The following ABCC12 variants were observed in gnomAD, a reference collection of about 807,000 sequenced individuals.
ABCC12 encodes ATP-binding cassette sub-family C member 12.
ABCC12 carries 142 observed loss-of-function variants against 151.1 expected under a neutral mutation model. The observed-to-expected ratio is 0.94, with a 90% CI of 0.82 to 1.08. The LOEUF is 1.08. Ranked by LOEUF, ABCC12 falls within the 50% of genes least tolerant of loss-of-function variation. ABCC12 has a pLI of 0.00. For synonymous variants in ABCC12, 645 were observed against 646.4 expected (o/e 1.00, Z 0.03); for missense variants, 1,638 against 1,691.1 (o/e 0.97, Z 0.55).
intron 9 of ABCC12, 84 bp from the exon 10 acceptor site, chr16:48,130,979 G>T: frequency 1.1e-6 from 1 of 876,794 alleles, no homozygotes; most frequent in Non-Finnish European, 1.8e-6. Context: ...GTTTAAACTT[G>T]CTGAGATGAG....
At chr16:48,085,502 G>A (rs143956889) in intron 29 of ABCC12, 91 bp downstream of exon 29, 70 of 1,089,798 alleles carry the variant, frequency 6.4e-5, no homozygotes, top group Non-Finnish European at 8.3e-5. Context: ...TCTCTTTGCT[G>A]AAAGACATAC....
intron 23 of ABCC12, among the ~76,000 whole-genome samples, chr16:48,097,695 A>T (rs1313450283): frequency 1.3e-5 from 2 of 152,152 alleles, no homozygotes; most frequent in African/African-American, 4.8e-5. Context: ...AAGGAAGATG[A>T]CCTTGGAGGC....
chr16:48,083,938 C>A lies in ABCC12; in HGVS notation c.3964G>T (p.Asp1322Tyr). 1 of 1,612,394 alleles carries A rather than the reference C, an allele frequency of 6.2e-7. No homozygotes were observed. Among genetic ancestry groups the A allele is most frequent in the Non-Finnish European group, 8.5e-7 (1 of 1,179,598 alleles). The part of the protein sequence containing the change: ...AHRLNTVLNC[D>Y]HVLVMENGKV... ...CCATTTTCCATAACCAGGACGTGATCGCAGTTGAGAACTGTGTTGAGGCGG... is the reference window on the plus strand; with the variant it reads ...CCATTTTCCATAACCAGGACGTGATAGCAGTTGAGAACTGTGTTGAGGCGG... The change falls in exon 30 of 31, where the codon GAT (aspartate) becomes TAT (tyrosine). Residue 1322 changes from aspartate to tyrosine, a missense_variant. Transcript: ENST00000311303.
At chr16:48,096,703 G>T in intron 24 of ABCC12, 43 bp downstream of exon 24, 1 of 1,603,366 alleles carries the variant, frequency 6.2e-7, no homozygotes, top group Middle Eastern at 1.7e-4. Flanking sequence ...TGTATTACAG[G>T]CCGGAGCCTC....
At chr16:48,116,487 A>G (rs1963887986) in intron 14 of ABCC12, among the ~76,000 whole-genome samples, 1 of 152,180 alleles carries the variant, frequency 6.6e-6, no homozygotes, top group Non-Finnish European at 1.5e-5. Context: ...AACTCAAAGG[A>G]TAGTGATGTC....
intron 23 of ABCC12, among the ~76,000 whole-genome samples, chr16:48,097,830 CTGGCAG>C (rs1963156784): frequency 6.6e-6 from 1 of 152,174 alleles, no homozygotes; most frequent in Non-Finnish European, 1.5e-5. Context: ...TGCAGCAATG[CTGGCAG>C]AACTCCTGGG....
chr16:48,144,098 C>A (rs759869728), intron 3 of ABCC12, 33 bp from the exon 4 acceptor site: 4 of 1,589,876 alleles, frequency 2.5e-6, no homozygotes, highest in East Asian at 4.5e-5. Context: ...GCGTTCCAGG[C>A]ACTGGGGTCA....
intron 23 of ABCC12, 51 bp downstream of exon 23, chr16:48,100,821 A>T (rs1398247344): frequency 6.3e-7 from 1 of 1,593,106 alleles, no homozygotes; most frequent in Admixed American, 1.7e-5. Flanking sequence ...TCCCCATCGG[A>T]GTCAGGCATG....
At chr16:48,152,250 T>C (rs1331361429) in intron 2 of ABCC12, among the ~76,000 whole-genome samples, 1 of 152,200 alleles carries the variant, frequency 6.6e-6, no homozygotes, top group Non-Finnish European at 1.5e-5. Flanking sequence ...ACTGCAGAGA[T>C]GCTGGGGCTG....
intron 23 of ABCC12, among the ~76,000 whole-genome samples, chr16:48,098,730 G>A (rs1053124707): frequency 6.6e-6 from 1 of 152,202 alleles, no homozygotes; most frequent in African/African-American, 2.4e-5. Context: ...TTTTTAAGCT[G>A]TAGCATTTTT....
intron 9 of ABCC12, among the ~76,000 whole-genome samples, chr16:48,131,819 G>A (rs1352219238): frequency 6.6e-6 from 1 of 152,184 alleles, no homozygotes; most frequent in East Asian, 1.9e-4. Flanking sequence ...TCATTAAAAG[G>A]ATAATGAAAG....
At position 48,082,816 on chromosome 16, in the gene ABCC12, A is replaced by AT. The variant is rs894793224; in HGVS notation, c.*898dup. On this transcript the variant is annotated 3_prime_UTR_variant, in exon 31 of 31. Transcript: ENST00000311303. Reference sequence around the variant, plus strand: ...AGAGCTTGCTGGATTTTCTATAAATATTTTTTTCCCAAATGTCACCATGAG... The same window carrying AT: ...AGAGCTTGCTGGATTTTCTATAAATATTTTTTTTCCCAAATGTCACCATGAG... Among the ~76,000 whole-genome samples the AT allele has an allele frequency of 2.0e-5, 3 of 151,972 alleles. No homozygotes were observed. Among genetic ancestry groups the AT allele is most frequent in the African/African-American group, 7.3e-5 (3 of 41,376 alleles).
intron 27 of ABCC12, 21 bp from the exon 28 acceptor site, chr16:48,086,840 G>A (rs1962631113): frequency 1.9e-6 from 3 of 1,596,162 alleles, no homozygotes; most frequent in Non-Finnish European, 1.7e-6. Context: ...GGAGAGGAGA[G>A]GACAGGGAGC....
At position 48,088,570 on chromosome 16, in the gene ABCC12, G is replaced by A. The variant is rs369883084; in HGVS notation, c.3450C>T (p.Val1150=). 56 of 1,613,916 alleles carry A rather than the reference G, an allele frequency of 3.5e-5. No homozygotes were observed. Among genetic ancestry groups the A allele is most frequent in the Non-Finnish European group, 4.4e-5 (52 of 1,179,982 alleles). ...LNLNIQSGQT[V]GIVGRTGSGK... is the part of the protein sequence containing the mutation. ...CGGAACCTGTTCTTCCAACAATCCC[G>A]ACTGTCTGCCCACTTTGTATGTTCA... Residue 1150 remains valine, a synonymous_variant, in exon 26 of 31, where the codon GTC becomes GTT. Transcript: ENST00000311303.
intron 5 of ABCC12, 47 bp downstream of exon 5, chr16:48,141,159 C>T: frequency 1.3e-6 from 2 of 1,599,304 alleles, no homozygotes; most frequent in South Asian, 2.2e-5. Flanking sequence ...ACATTCTTTG[C>T]TAGGCTGGGG....
chr16:48,094,237 T>TC (rs1357540492), intron 24 of ABCC12, among the ~76,000 whole-genome samples: 1 of 152,232 alleles, frequency 6.6e-6, no homozygotes, highest in Non-Finnish European at 1.5e-5. Context: ...CAAGGAAAAT[T>TC]CATTTTTCCC....
intron 27 of ABCC12, 76 bp from the exon 28 acceptor site, chr16:48,086,895 T>C (rs1962634425): frequency 4.7e-6 from 6 of 1,269,156 alleles, no homozygotes; most frequent in Non-Finnish European, 6.9e-6. Flanking sequence ...AGGTTTTCTG[T>C]AGCATGTGGA....
chr16:48,091,148 G>T lies in ABCC12; in HGVS notation c.3257C>A (p.Ser1086Tyr). The T allele has an allele frequency of 6.2e-7, 1 of 1,614,200 alleles. No individual in the cohort carries two copies. The highest frequency in any genetic ancestry group is 8.5e-7 in the Non-Finnish European group (1 of 1,180,028). Residue 1086 changes from serine to tyrosine, a missense_variant, in exon 25 of 31, where the codon TCC becomes TAC. By Grantham distance (144) the Ser-to-Tyr change is moderately radical. Transcript: ENST00000311303. Reference protein sequence around the residue: ...TGTETQAKFTSVELLREYIST... With the variant: ...TGTETQAKFTYVELLREYIST... The stretch of plus-strand genomic sequence containing the variant: ...AATGTATTCCCTGAGCAGCTCCACG[G>T]AGGTGAATTTGGCTTGCGTCTCTGT...
At position 48,117,332 on chromosome 16, in the gene ABCC12, A is replaced by G; in HGVS notation, c.1714T>C (p.Tyr572His). ...LFGEKYDHQRYQHTVRVCGLQ... is the reference protein window; with the variant it reads ...LFGEKYDHQRHQHTVRVCGLQ... ...CCACAGACGCGGACTGTGTGCTGATACCTGTTGGTGCAAAGCTCAGAAGTA... is the reference window on the plus strand; with the variant it reads ...CCACAGACGCGGACTGTGTGCTGATGCCTGTTGGTGCAAAGCTCAGAAGTA... The change falls in exon 14 of 31, where the codon TAT (tyrosine) becomes CAT (histidine). Residue 572 changes from tyrosine (Y) to histidine (H), a missense_variant and splice_region_variant. Tyr to His is a moderately conservative substitution (Grantham distance 83). Coordinates refer to ENST00000311303, the MANE Select transcript of ABCC12 (RefSeq NM_001393797.1). 6.2e-7 allele frequency: 1 copy of G among 1,613,548 alleles called. No individual in the cohort carries two copies. The highest frequency in any genetic ancestry group is 8.5e-7 in the Non-Finnish European group (1 of 1,179,868).
Sources: gnomAD v4.1 joint callset for allele counts (sites outside exome capture counted in the v4.1 genomes callset) on GRCh38, gnomAD v4.1.1 for gene constraint, MANE v1.5 for transcripts, NCBI Gene and HGNC (gene_info 2026-07-23, HGNC 2026-07-21) for gene names.